Variants in ANKRD12 observed in about 807,000 individuals in gnomAD.
ANKRD12 encodes the protein ankyrin repeat domain-containing protein 12.
A neutral mutation model predicts 183.4 loss-of-function variants in ANKRD12; 85 were observed. That is an observed-to-expected ratio of 0.46 (90% confidence interval 0.39 to 0.56). The LOEUF (loss-of-function observed/expected upper bound fraction) is 0.56, where lower values mean the gene tolerates loss of function less well. Ranked by LOEUF, ANKRD12 falls within the 20% of genes least tolerant of loss-of-function variation. The pLI is 0.00. For missense variants in ANKRD12, 2,405 were observed against 2,357.1 expected, an observed-to-expected ratio of 1.02 and a Z score of -0.42; for synonymous variants, 914 against 800.2, an observed-to-expected ratio of 1.14 and a Z score of -2.40.
chr18:9,208,621 TG>T (rs1367832196), intron 4 of ANKRD12, 35 bp from the exon 5 acceptor site: 3 of 1,571,524 alleles, frequency 1.9e-6, no homozygotes, highest in South Asian at 1.2e-5. Flanking sequence ...TACTTGGATT[TG>T]TTTCAAATTC....
chr18:9,184,262 A>T (rs2033895226), intron 2 of ANKRD12, among the ~76,000 whole-genome samples: 2 of 152,178 alleles, frequency 1.3e-5, no homozygotes, highest in African/African-American at 4.8e-5. Flanking sequence ...TGGTGTTCTT[A>T]ATTTCTTCCT....
chr18:9,275,894 C>G (rs1300787000), intron 11 of ANKRD12, among the ~76,000 whole-genome samples: 1 of 152,158 alleles, frequency 6.6e-6, no homozygotes, highest in Non-Finnish European at 1.5e-5. Context: ...CACAAAACAC[C>G]TGTACATTTA....
chr18:9,243,303 G>A (rs186758392), intron 8 of ANKRD12, among the ~76,000 whole-genome samples: 1 of 152,308 alleles, frequency 6.6e-6, no homozygotes, highest in Non-Finnish European at 1.5e-5. Context: ...GAAATTCAGA[G>A]TCAGCTGGTT....
intron 2 of ANKRD12, among the ~76,000 whole-genome samples, chr18:9,191,539 G>A (rs762987478): frequency 6.6e-6 from 1 of 152,076 alleles, no homozygotes; most frequent in Non-Finnish European, 1.5e-5. Context: ...CAAGGGAGAA[G>A]GGATTTTTAA....
At chr18:9,248,195 G>A (rs1422631492) in intron 8 of ANKRD12, among the ~76,000 whole-genome samples, 1 of 152,162 alleles carries the variant, frequency 6.6e-6, no homozygotes, top group African/African-American at 2.4e-5. Context: ...CTTGCTTGTG[G>A]GGATTTTGCT....
In ANKRD12 at chr18:9,183,689, G is replaced by A. The variant is rs78337900; in HGVS notation, c.87+1170G>A. Among the ~76,000 whole-genome samples the A allele has an allele frequency of 6.8e-3, 1,041 of 152,040 alleles. 25 individuals are homozygous for A. The highest frequency in any genetic ancestry group is 0.063 in the East Asian group (325 of 5,172). ...GATAATTTTACTTCTTTTCCAGTCCGGATATTTCTTTTTTTGTTTGATTAC... is the reference window on the plus strand; with the variant it reads ...GATAATTTTACTTCTTTTCCAGTCCAGATATTTCTTTTTTTGTTTGATTAC... On this transcript the variant is annotated intron_variant, in intron 2 of 12. Transcript: ENST00000262126.
chr18:9,222,799 T>C (rs969155839), intron 8 of ANKRD12, among the ~76,000 whole-genome samples: 1 of 152,190 alleles, frequency 6.6e-6, no homozygotes, highest in Non-Finnish European at 1.5e-5. Flanking sequence ...TATAGTTAAA[T>C]TATATTTCAC....
chr18:9,172,152 G>C (rs2144003669), intron 1 of ANKRD12, among the ~76,000 whole-genome samples: 2 of 151,964 alleles, frequency 1.3e-5, no homozygotes, highest in Non-Finnish European at 2.9e-5. Flanking sequence ...TTTCTCTCTG[G>C]CTGCCCTTAA....
At chr18:9,202,948 A>G (rs1434798707) in intron 3 of ANKRD12, among the ~76,000 whole-genome samples, 4 of 152,248 alleles carry the variant, frequency 2.6e-5, no homozygotes, top group Non-Finnish European at 1.5e-5. Context: ...AAACTACATT[A>G]ATATAATTGA....
chr18:9,221,461 T>C (rs1330882593), intron 7 of ANKRD12, among the ~76,000 whole-genome samples: 1 of 152,226 alleles, frequency 6.6e-6, no homozygotes, highest in Non-Finnish European at 1.5e-5. Flanking sequence ...TTTGAAACTT[T>C]TTCTAAGACA....
chr18:9,275,451 C>CGA, intron 10 of ANKRD12, 73 bp from the exon 11 acceptor site: 1 of 1,402,546 alleles, frequency 7.1e-7, no homozygotes, highest in Non-Finnish European at 9.8e-7. Flanking sequence ...CCAGCCTAGG[C>CGA]GAGAGAGTAA....
chr18:9,270,281 A>T (rs1479991072), intron 10 of ANKRD12, among the ~76,000 whole-genome samples: 1 of 152,248 alleles, frequency 6.6e-6, no homozygotes, highest in Non-Finnish European at 1.5e-5. Context: ...CGAAAGGATT[A>T]TAAATCATGC....
chr18:9,141,341 T>C (rs926715182), intron 1 of ANKRD12, among the ~76,000 whole-genome samples: 1 of 152,206 alleles, frequency 6.6e-6, no homozygotes, highest in East Asian at 1.9e-4. Flanking sequence ...GCTATTGATA[T>C]CATGCTTCTA....
At chr18:9,186,000 C>G (rs1223304654) in intron 2 of ANKRD12, among the ~76,000 whole-genome samples, 4 of 152,192 alleles carry the variant, frequency 2.6e-5, no homozygotes, top group African/African-American at 9.7e-5. Context: ...ATCTGGGCTG[C>G]TTGATGCCAC....
chr18:9,235,585 A>G (rs558200965), intron 8 of ANKRD12: 2 of 456,002 alleles, frequency 4.4e-6, no homozygotes, highest in East Asian at 1.4e-4. Flanking sequence ...AATATACTGT[A>G]CTCCTGCTAT....
rs754817502 is a variant in ANKRD12, at chr18:9,256,335, A to G, written c.3068A>G (p.Asp1023Gly). 5.0e-6 allele frequency: 8 copies of G among 1,592,980 alleles called. No individual in the cohort carries two copies. Among genetic ancestry groups the G allele is most frequent in the Middle Eastern group, 3.4e-4 (2 of 5,804 alleles). The change falls in exon 9 of 13, where the codon GAT (aspartate) becomes GGT (glycine). Residue 1023 changes from aspartate to glycine, a missense_variant. Asp to Gly is a moderately conservative substitution (Grantham distance 94). Around this residue, in one of 7 missense-constraint regions of ANKRD12, gnomAD observed 1,983 missense variants for 1,725.9 expected, o/e 1.15. Coordinates refer to ENST00000262126, the MANE Select transcript of ANKRD12 (RefSeq NM_015208.5). ...AAAGAAAAAGATAAAAAAGATAAAG[A>G]TATAGATAGATACAAAGAACGAGAC... ...DGKEKDKKDK[D>G]IDRYKERDKH...
At position 9,255,575 on chromosome 18, in the gene ANKRD12, C is replaced by G. The variant is rs142490534; in HGVS notation, c.2308C>G (p.Leu770Val). The G allele has an allele frequency of 1.2e-4, 194 of 1,567,684 alleles. 1 individual carries two copies. In the African/African-American group the frequency reaches 2.1e-3, roughly 17 times the overall value. The change falls in exon 9 of 13, where the codon CTA (leucine) becomes GTA (valine). Residue 770 changes from leucine to valine, a missense_variant. By Grantham distance (32) the Leu-to-Val change is conservative. Transcript: ENST00000262126. ...TTTTAGGGAGGAAAAAATAAAAGAT[C>G]TAAAAGAAGAGAGAGAAAACATACC... Reference protein sequence around the residue: ...KSFREEKIKDLKEERENIPTD... With the variant: ...KSFREEKIKDVKEERENIPTD...
intron 8 of ANKRD12, among the ~76,000 whole-genome samples, chr18:9,235,105 C>T (rs891251107): frequency 2.0e-5 from 3 of 150,922 alleles, no homozygotes; most frequent in Non-Finnish European, 4.4e-5. Context: ...GGGTGGGTGT[C>T]TGATATCTCT....
intron 6 of ANKRD12, among the ~76,000 whole-genome samples, chr18:9,215,361 A>T (rs1398650618): frequency 6.6e-6 from 1 of 152,092 alleles, no homozygotes; most frequent in African/African-American, 2.4e-5. Flanking sequence ...TTGGTTGTAT[A>T]ACAAGAAGGC....
Sources: gnomAD v4.1 joint callset for allele counts (sites outside exome capture counted in the v4.1 genomes callset) on GRCh38, gnomAD v4.1.1 for gene constraint, gnomAD v4.1.1 regional missense constraint, MANE v1.5 for transcripts, NCBI Gene and HGNC (gene_info 2026-07-23, HGNC 2026-07-21) for gene names.